The following ADAMTS19 variants were observed in gnomAD, a reference collection of about 807,000 sequenced individuals.
ADAMTS19 encodes A disintegrin and metalloproteinase with thrombospondin motifs 19.
ADAMTS19 carries 93 observed loss-of-function variants against 153.3 expected under a neutral mutation model. The observed-to-expected ratio is 0.61, with a 90% CI of 0.51 to 0.72. The LOEUF (loss-of-function observed/expected upper bound fraction) is 0.72, where lower values mean the gene tolerates loss of function less well. Among genes scored for constraint, ADAMTS19 ranks in the 30% least tolerant of loss-of-function variants. The probability of loss-of-function intolerance (pLI) is 0.00; values close to 1 mark genes in which losing one functional copy is unlikely to be tolerated. For missense variants in ADAMTS19, 1,482 were observed against 1,552.1 expected, an observed-to-expected ratio of 0.95 and a Z score of 0.76; for synonymous variants, 600 against 556.6, an observed-to-expected ratio of 1.08 and a Z score of -1.10.
At position 129,737,074 on chromosome 5, in the gene ADAMTS19, G is replaced by A; in HGVS notation, c.3498G>A (p.Leu1166=). The A allele has an allele frequency of 1.9e-6, 3 of 1,589,310 alleles. No homozygotes were observed. Among genetic ancestry groups the A allele is most frequent in the Non-Finnish European group, 2.6e-6 (3 of 1,164,372 alleles). Reference sequence around the variant, plus strand: ...CTATGTTCTGTTTCACAGCTGCTCTGACTTTCAAGTGCCTGGGAGATCAGT... The same window carrying A: ...CTATGTTCTGTTTCACAGCTGCTCTAACTTTCAAGTGCCTGGGAGATCAGT... ...NTITSPRLAA[L]TFKCLGDQWP... is the part of the protein sequence containing the mutation. Residue 1166 remains leucine, a synonymous_variant, in exon 23 of 23, where the codon CTG becomes CTA. Coordinates refer to ENST00000274487, the MANE Select transcript of ADAMTS19 (RefSeq NM_133638.6).
intron 18 of ADAMTS19, among the ~76,000 whole-genome samples, chr5:129,686,196 G>A (rs1263239315): frequency 6.6e-6 from 1 of 152,142 alleles, no homozygotes; most frequent in Admixed American, 6.6e-5. Flanking sequence ...TGTGAAGTGA[G>A]TTTGGAAATT....
intron 7 of ADAMTS19, among the ~76,000 whole-genome samples, chr5:129,582,139 T>C (rs980696969): frequency 1.3e-5 from 2 of 150,472 alleles, no homozygotes; most frequent in Non-Finnish European, 1.5e-5. Context: ...GCTGAGTTCA[T>C]GTCCTGAATA....
At chr5:129,556,009 G>C (rs774838566) in intron 7 of ADAMTS19, among the ~76,000 whole-genome samples, 26 of 152,246 alleles carry the variant, frequency 1.7e-4, no homozygotes, top group Middle Eastern at 3.4e-3. Flanking sequence ...TAATGTTACA[G>C]AATATTATTA....
chr5:129,686,989 C>T (rs1311907709), intron 18 of ADAMTS19, among the ~76,000 whole-genome samples: 1 of 152,102 alleles, frequency 6.6e-6, no homozygotes, highest in Non-Finnish European at 1.5e-5. Flanking sequence ...CTCCCATATG[C>T]ACCCAAATTC....
intron 7 of ADAMTS19, among the ~76,000 whole-genome samples, chr5:129,569,467 C>A (rs537656614): frequency 9.2e-5 from 14 of 152,082 alleles, no homozygotes; most frequent in Admixed American, 9.2e-4. Flanking sequence ...TGAAAACCAC[C>A]GCTAGCTAAC....
intron 2 of ADAMTS19, among the ~76,000 whole-genome samples, chr5:129,472,324 G>A (rs985683745): frequency 6.6e-6 from 1 of 152,186 alleles, no homozygotes. Flanking sequence ...AAACAGCAGA[G>A]CTCAAGATTC....
At chr5:129,504,194 C>T (rs1317474316) in intron 2 of ADAMTS19, among the ~76,000 whole-genome samples, 1 of 152,092 alleles carries the variant, frequency 6.6e-6, no homozygotes, top group East Asian at 1.9e-4. Flanking sequence ...CCTATTTGCC[C>T]CCACTCATAA....
At chr5:129,527,375 G>GT (rs1023134798) in intron 4 of ADAMTS19, among the ~76,000 whole-genome samples, 1,813 of 140,194 alleles carry the variant, frequency 0.013, 27 homozygotes, top group African/African-American at 0.036. Context: ...GGGGAACAGA[G>GT]TTTTTTTTTT....
intron 7 of ADAMTS19, among the ~76,000 whole-genome samples, chr5:129,573,035 A>C (rs1379873377): frequency 6.6e-6 from 1 of 152,076 alleles, no homozygotes; most frequent in Non-Finnish European, 1.5e-5. Flanking sequence ...TGCCCTTTGC[A>C]AAGGTACCTA....
At chr5:129,534,255 C>T (rs10478886) in intron 6 of ADAMTS19, among the ~76,000 whole-genome samples, 13,710 of 152,008 alleles carry the variant, frequency 0.09, 689 homozygotes, top group Middle Eastern at 0.15. Flanking sequence ...TCACTAAGGA[C>T]GTGCTTTATG....
At chr5:129,673,015 TATA>T (rs1271584656) in intron 16 of ADAMTS19, among the ~76,000 whole-genome samples, 10 of 152,206 alleles carry the variant, frequency 6.6e-5, no homozygotes, top group African/African-American at 2.4e-4. Flanking sequence ...CTTATTATAC[TATA>T]ATACCTATAA....
chr5:129,476,760 G>C (rs1291749844), intron 2 of ADAMTS19, among the ~76,000 whole-genome samples: 1 of 152,148 alleles, frequency 6.6e-6, no homozygotes, highest in Non-Finnish European at 1.5e-5. Flanking sequence ...ATTTATTAAT[G>C]AGATAAAGAA....
At chr5:129,636,922 T>A (rs1197584726) in intron 10 of ADAMTS19, among the ~76,000 whole-genome samples, 1 of 152,204 alleles carries the variant, frequency 6.6e-6, no homozygotes, top group African/African-American at 2.4e-5. Flanking sequence ...TTGGGGCAGA[T>A]CTATAGAAGG....
chr5:129,527,781 G>C lies in ADAMTS19; in HGVS notation c.1120G>C (p.Val374Leu), dbSNP rs1752067927. 6.3e-7 allele frequency: 1 copy of C among 1,598,208 alleles called. No homozygotes were observed. Among genetic ancestry groups the C allele is most frequent in the African/African-American group, 1.3e-5 (1 of 74,438 alleles). Residue 374 changes from valine to leucine, a missense_variant, in exon 5 of 23, where the codon GTG becomes CTG. Coordinates refer to ENST00000274487, the MANE Select transcript of ADAMTS19 (RefSeq NM_133638.6). ...CCTTTTCCAACACAAGAGTCTGAGT[G>C]TGCAGGTCAATCTTCGTGTGATAAA... The part of the protein sequence containing the change: ...FNLFQHKSLS[V>L]QVNLRVIKLI...
At chr5:129,540,412 T>C (rs1282448648) in intron 6 of ADAMTS19, among the ~76,000 whole-genome samples, 1 of 152,108 alleles carries the variant, frequency 6.6e-6, no homozygotes, top group Admixed American at 6.6e-5. Flanking sequence ...CTCTTAACTC[T>C]CAACTCTATG....
chr5:129,664,453 T>A (rs1753947450), intron 15 of ADAMTS19, among the ~76,000 whole-genome samples: 1 of 152,180 alleles, frequency 6.6e-6, no homozygotes. Flanking sequence ...TGCTGAAATG[T>A]GCAATTCAAT....
intron 2 of ADAMTS19, among the ~76,000 whole-genome samples, chr5:129,497,868 G>T (rs1172952975): frequency 6.6e-6 from 1 of 151,884 alleles, no homozygotes; most frequent in Non-Finnish European, 1.5e-5. Flanking sequence ...CTTCAAACTG[G>T]CCTCCCTCAT....
intron 3 of ADAMTS19, among the ~76,000 whole-genome samples, chr5:129,513,030 T>A (rs1751490230): frequency 6.6e-6 from 1 of 151,946 alleles, no homozygotes; most frequent in African/African-American, 2.4e-5. Flanking sequence ...CTGACTTCCA[T>A]ATATATGTAA....
At chr5:129,548,237 C>A (rs925457909) in intron 6 of ADAMTS19, among the ~76,000 whole-genome samples, 1 of 149,046 alleles carries the variant, frequency 6.7e-6, no homozygotes, top group Non-Finnish European at 1.5e-5. Flanking sequence ...AGTGAACAGG[C>A]AACCTACAAA....
Sources: gnomAD v4.1 joint callset for allele counts (sites outside exome capture counted in the v4.1 genomes callset) on GRCh38, gnomAD v4.1.1 for gene constraint, MANE v1.5 for transcripts, NCBI Gene and HGNC (gene_info 2026-07-23, HGNC 2026-07-21) for gene names.